NDST4: variants seen among roughly 807,000 people sequenced by gnomAD.
The protein encoded by NDST4 is N-heparan sulfate sulfotransferase 4.
Under a neutral mutation model 100.8 loss-of-function variants are expected in NDST4, and 63 were observed. The observed-to-expected ratio is 0.62, with a 90% CI of 0.51 to 0.77. NDST4 has a LOEUF of 0.77. Among genes scored for constraint, NDST4 ranks in the 30% least tolerant of loss-of-function variants. NDST4 has a pLI of 0.00. For missense variants in NDST4, 943 were observed against 1,018.4 expected, an observed-to-expected ratio of 0.93 and a Z score of 1.01; for synonymous variants, 377 against 361.8, an observed-to-expected ratio of 1.04 and a Z score of -0.48.
intron 2 of NDST4, among the ~76,000 whole-genome samples, chr4:115,061,099 CA>C (rs1477858078): frequency 6.6e-6 from 1 of 151,982 alleles, no homozygotes; most frequent in African/African-American, 2.4e-5. Context: ...TAGAGAAATG[CA>C]AATCAAAACC....
chr4:115,049,691 T>G (rs1728542906), intron 2 of NDST4, among the ~76,000 whole-genome samples: 1 of 152,162 alleles, frequency 6.6e-6, no homozygotes, highest in Admixed American at 6.5e-5. Context: ...GAGCAGGGAT[T>G]AAATCTATAG....
At chr4:114,864,468 G>A (rs1232389963) in intron 7 of NDST4, among the ~76,000 whole-genome samples, 2 of 152,066 alleles carry the variant, frequency 1.3e-5, no homozygotes, top group African/African-American at 4.8e-5. Context: ...TTTCCAAGTT[G>A]TATTGTACAG....
At chr4:114,879,009 T>C (rs1003191748) in intron 6 of NDST4, among the ~76,000 whole-genome samples, 1 of 152,000 alleles carries the variant, frequency 6.6e-6, no homozygotes, top group African/African-American at 2.4e-5. Context: ...AACTCTTTTG[T>C]AGTCTTTACG....
chr4:115,078,123 T>TA lies in NDST4; in HGVS notation c.-246-842dup, dbSNP rs1020808589. Among the ~76,000 whole-genome samples the TA allele has an allele frequency of 4.6e-5, 7 of 152,238 alleles. No individual in the cohort carries two copies. In the South Asian group the frequency reaches 1.0e-3, roughly 23 times the overall value. On this transcript the variant is annotated intron_variant, in intron 1 of 13. Coordinates refer to ENST00000264363, the MANE Select transcript of NDST4 (RefSeq NM_022569.3). ...GTATTATTTTGTTCTTGTATTGCTCTAAAAAAACACCTGAGACTGGAAAAT... is the reference window on the plus strand; with the variant it reads ...GTATTATTTTGTTCTTGTATTGCTCTAAAAAAAACACCTGAGACTGGAAAAT...
At chr4:114,892,525 T>A (rs550675025) in intron 6 of NDST4, among the ~76,000 whole-genome samples, 1 of 152,256 alleles carries the variant, frequency 6.6e-6, no homozygotes, top group African/African-American at 2.4e-5. Flanking sequence ...AAAGATGTCT[T>A]ATTTCACATC....
At chr4:115,085,859 A>G (rs1729399774) in intron 1 of NDST4, among the ~76,000 whole-genome samples, 1 of 152,206 alleles carries the variant, frequency 6.6e-6, no homozygotes, top group Non-Finnish European at 1.5e-5. Flanking sequence ...GTCACCAACA[A>G]GTAAGTGAAA....
intron 5 of NDST4, 120 bp downstream of exon 5, chr4:114,937,198 G>A: frequency 4.1e-6 from 4 of 982,564 alleles, no homozygotes; most frequent in Non-Finnish European, 3.1e-6. Flanking sequence ...GATATGTTAG[G>A]TATTTCTGAT....
At chr4:114,911,699 C>T (rs1249331808) in intron 6 of NDST4, among the ~76,000 whole-genome samples, 2 of 152,024 alleles carry the variant, frequency 1.3e-5, no homozygotes, top group Non-Finnish European at 2.9e-5. Flanking sequence ...ATGAAAATAT[C>T]GCGGGTATTG....
At position 115,030,158 on chromosome 4, in the gene NDST4, G is replaced by A. The variant is rs544018556; in HGVS notation, c.978+45901C>T. ...GTTTGAATGCTTATAAATGGATAGAGAAACAGAAACAATAGGTTTGTGAAA... is the reference window on the plus strand; with the variant it reads ...GTTTGAATGCTTATAAATGGATAGAAAAACAGAAACAATAGGTTTGTGAAA... On this transcript the variant is annotated intron_variant, in intron 2 of 13. Transcript: ENST00000264363. Among the ~76,000 whole-genome samples the A allele has an allele frequency of 6.2e-4, 94 of 152,188 alleles. 1 individual carries two copies. The South Asian group carries it at 0.019, about 31-fold the overall frequency.
Position 115,000,027 on chromosome 4 carries a change from C to T in NDST4, c.979-22753G>A, listed in dbSNP as rs76606769. Among the ~76,000 whole-genome samples, 854 of 151,896 alleles carry T rather than the reference C, an allele frequency of 5.6e-3. 10 individuals carry two copies. The highest frequency in any genetic ancestry group is 0.02 in the African/African-American group (816 of 41,436). On this transcript the variant is annotated intron_variant, in intron 2 of 13. Transcript: ENST00000264363. The stretch of plus-strand genomic sequence containing the variant: ...CTTCTGATTCTTTTATCAAAAGTCA[C>T]GAACAACTGTTATTCTATGTTGTAA...
chr4:114,857,434 A>T (rs1578346839), intron 7 of NDST4, among the ~76,000 whole-genome samples: 1 of 152,168 alleles, frequency 6.6e-6, no homozygotes, highest in Non-Finnish European at 1.5e-5. Context: ...TCCAGGGGCC[A>T]CTTACAAATA....
chr4:114,863,527 A>C (rs1273760590), intron 7 of NDST4, among the ~76,000 whole-genome samples: 1 of 152,244 alleles, frequency 6.6e-6, no homozygotes, highest in Non-Finnish European at 1.5e-5. Flanking sequence ...TTTTTAAGTC[A>C]GAAAATTAGA....
At chr4:114,854,815 C>G (rs936212820) in intron 7 of NDST4, among the ~76,000 whole-genome samples, 2 of 152,154 alleles carry the variant, frequency 1.3e-5, no homozygotes, top group African/African-American at 4.8e-5. Context: ...ATTGCTGAAT[C>G]ACATGGTAGT....
intron 6 of NDST4, among the ~76,000 whole-genome samples, chr4:114,932,660 C>A (rs72681423): frequency 0.074 from 11,298 of 151,806 alleles, 463 homozygotes; most frequent in Middle Eastern, 0.12. Context: ...TATATGAAAT[C>A]AATGTACAAA....
chr4:114,834,272 G>C (rs528379336), intron 11 of NDST4, among the ~76,000 whole-genome samples: 1 of 152,270 alleles, frequency 6.6e-6, no homozygotes, highest in Admixed American at 6.5e-5. Context: ...CCAGCACTGT[G>C]TGAGGCTGAG....
intron 6 of NDST4, among the ~76,000 whole-genome samples, chr4:114,890,105 G>GAGTAGTTAACCATGGAAATTGTT (rs879309812): frequency 2.6e-5 from 4 of 152,078 alleles, no homozygotes; most frequent in African/African-American, 7.2e-5. Context: ...TACAAATTTT[G>GAGTAGTTAACCATGGAAATTGTT]AGTAGTTAAC....
chr4:114,995,797 C>CAACTCAGT (rs1032017326), intron 2 of NDST4, among the ~76,000 whole-genome samples: 11 of 152,074 alleles, frequency 7.2e-5, no homozygotes, highest in African/African-American at 2.7e-4. Flanking sequence ...TATTAAATGA[C>CAACTCAGT]AACTCAGTAA....
chr4:115,012,426 G>A (rs963388861), intron 2 of NDST4, among the ~76,000 whole-genome samples: 1 of 151,980 alleles, frequency 6.6e-6, no homozygotes, highest in African/African-American at 2.4e-5. Flanking sequence ...CTTGACGGTT[G>A]CAAAGTAAAA....
At chr4:114,833,739 T>A in intron 11 of NDST4, 24 bp from the exon 12 acceptor site, 1 of 1,501,304 alleles carries the variant, frequency 6.7e-7, no homozygotes, top group East Asian at 2.3e-5. Flanking sequence ...AATAGTCACT[T>A]TATGAAGAAA....
Sources: allele counts gnomAD v4.1 joint callset (sites outside exome capture counted in the v4.1 genomes callset), GRCh38; gene constraint gnomAD v4.1.1; transcripts MANE v1.5; gene names NCBI Gene and HGNC (gene_info 2026-07-23, HGNC 2026-07-21).